Variants in CCDC102B observed in about 807,000 individuals in gnomAD.
CCDC102B encodes the protein coiled-coil domain-containing protein 102B.
CCDC102B carries 75 observed loss-of-function variants against 57.4 expected under a neutral mutation model. The ratio of observed to expected loss-of-function variants is 1.31; its 90% CI spans 1.08 to 1.58. CCDC102B has a LOEUF of 1.58. CCDC102B is among the 40% of genes most tolerant of loss of function. The pLI is 0.00. For synonymous variants in CCDC102B, 206 were observed against 201.9 expected, an observed-to-expected ratio of 1.02 and a Z score of -0.17; for missense variants, 636 against 582.6, an observed-to-expected ratio of 1.09 and a Z score of -0.94.
rs181088195 is a variant in CCDC102B, at chr18:68,715,330, T to G, written c.-165T>G. The G allele has an allele frequency of 6.6e-4, 653 of 985,064 alleles. 5 individuals are homozygous for G. The African/African-American group carries it at 0.011, about 16-fold the overall frequency. 61.0% of individuals were successfully genotyped at this position (985,064 alleles called of 1,614,324 possible). ...TCACTGGGGCGCGTTTCCGGGAAGG[T>G]GAATACCGGTGAAAGTTATGCTGAG... On this transcript the variant is annotated 5_prime_UTR_variant, in exon 1 of 4. Transcript: ENST00000578970.
At chr18:69,012,874 G>T (rs1387949894) in intron 7 of CCDC102B, among the ~76,000 whole-genome samples, 1 of 152,038 alleles carries the variant, frequency 6.6e-6, no homozygotes, top group Admixed American at 6.6e-5. Flanking sequence ...GACTGGTATG[G>T]TCATTAAAAT....
intron 6 of CCDC102B, chr18:68,902,211 A>T (rs1439708743): frequency 6.6e-6 from 1 of 152,164 alleles, no homozygotes; most frequent in South Asian, 2.1e-4. Context: ...GAATTACTTC[A>T]TGCTTTCTTC....
At chr18:69,049,577 T>G (rs372174578) in intron 7 of CCDC102B, among the ~76,000 whole-genome samples, 41 of 151,972 alleles carry the variant, frequency 2.7e-4, no homozygotes, top group African/African-American at 9.4e-4. Context: ...GGGAGGAGAA[T>G]AAAATCACAC....
At chr18:68,899,259 A>G (rs1315529583) in intron 6 of CCDC102B, among the ~76,000 whole-genome samples, 1 of 152,098 alleles carries the variant, frequency 6.6e-6, no homozygotes, top group East Asian at 1.9e-4. Context: ...TGTCAAGATT[A>G]TGATGTCCTC....
At chr18:68,804,671 G>T (rs2035970568) in intron 1 of CCDC102B, among the ~76,000 whole-genome samples, 1 of 152,014 alleles carries the variant, frequency 6.6e-6, no homozygotes, top group Admixed American at 6.6e-5. Context: ...AGTAAAACAG[G>T]AATTTCAGGC....
rs576686004 is a variant in CCDC102B, at chr18:68,911,993, A to G, written c.1263+14565A>G. Among the ~76,000 whole-genome samples, 12 of 152,220 alleles carry G rather than the reference A, an allele frequency of 7.9e-5. No individual in the cohort carries two copies. In the South Asian group the frequency reaches 2.3e-3, roughly 29 times the overall value. On this transcript the variant is annotated intron_variant, in intron 6 of 7. Transcript: ENST00000360242. ...CCATTTTGGTTTTGTAAAAGCTGTT[A>G]CTGAACTCAAGAAAATATTTTGTAA... is the stretch of plus-strand genomic sequence containing the variant.
chr18:68,788,004 G>A (rs954694930), intron 2 of CCDC102B, among the ~76,000 whole-genome samples: 36 of 150,692 alleles, frequency 2.4e-4, no homozygotes, highest in Non-Finnish European at 4.0e-4. Context: ...CTTTGAATGC[G>A]TCCCAGAGAT....
intron 6 of CCDC102B, among the ~76,000 whole-genome samples, chr18:68,966,824 T>G (rs1333811778): frequency 2.6e-5 from 4 of 152,124 alleles, no homozygotes; most frequent in Non-Finnish European, 5.9e-5. Context: ...TAGCATGGAT[T>G]CCTGCCCCTC....
chr18:68,983,520 G>C (rs1302236070), intron 6 of CCDC102B, among the ~76,000 whole-genome samples: 1 of 151,838 alleles, frequency 6.6e-6, no homozygotes, highest in African/African-American at 2.4e-5. Context: ...TATTTTACTA[G>C]CCAGTGATAA....
intron 1 of CCDC102B, among the ~76,000 whole-genome samples, chr18:68,822,448 A>T (rs2036729294): frequency 6.6e-6 from 1 of 152,106 alleles, no homozygotes; most frequent in African/African-American, 2.4e-5. Flanking sequence ...AATGTTTAAC[A>T]TGTCAATTTG....
chr18:68,781,774 A>G (rs1047901460), intron 2 of CCDC102B, among the ~76,000 whole-genome samples: 2 of 152,180 alleles, frequency 1.3e-5, no homozygotes, highest in Non-Finnish European at 2.9e-5. Flanking sequence ...AATAGAAGAC[A>G]GAAAGATTGG....
intron 4 of CCDC102B, among the ~76,000 whole-genome samples, chr18:68,848,299 T>C (rs1425887455): frequency 6.6e-6 from 1 of 151,984 alleles, no homozygotes; most frequent in African/African-American, 2.4e-5. Context: ...TCAACAATTC[T>C]GATAATGACC....
chr18:68,976,650 T>C (rs1427886663), intron 6 of CCDC102B, among the ~76,000 whole-genome samples: 1 of 152,034 alleles, frequency 6.6e-6, no homozygotes, highest in Non-Finnish European at 1.5e-5. Context: ...ATACATCCTA[T>C]GACCTTTTAA....
intron 6 of CCDC102B, among the ~76,000 whole-genome samples, chr18:68,937,325 T>C (rs1252378926): frequency 6.6e-6 from 1 of 152,016 alleles, no homozygotes; most frequent in African/African-American, 2.4e-5. Flanking sequence ...CTCAAAAAGA[T>C]ACTTGTTCAC....
chr18:68,786,627 TTGTC>T (rs1289425302), intron 2 of CCDC102B, among the ~76,000 whole-genome samples: 2 of 139,650 alleles, frequency 1.4e-5, no homozygotes, highest in East Asian at 4.1e-4. Flanking sequence ...GGCTCTCTGT[TTGTC>T]TGTTATTGGT....
intron 6 of CCDC102B, among the ~76,000 whole-genome samples, chr18:68,999,051 A>G (rs1420338663): frequency 6.6e-6 from 1 of 150,630 alleles, no homozygotes; most frequent in East Asian, 2.0e-4. Flanking sequence ...TTATCATAAA[A>G]TAATGAACAT....
Position 68,765,485 on chromosome 18 carries a change from GAAGA to G in CCDC102B, c.-67+48901_-67+48904del, listed in dbSNP as rs546908983. 4.1e-4 allele frequency among the ~76,000 whole-genome samples: 62 copies of G among 149,898 alleles called. No homozygotes were observed. In the South Asian group the frequency reaches 8.3e-3, roughly 20 times the overall value. ...AGAGAGAGAAAGGAAGGAAGGAGAG[GAAGA>G]AAGAAAGAAGAAAGCAAGAAAGAAA... On this transcript the variant is annotated intron_variant, in intron 2 of 3. Coordinates refer to the CCDC102B transcript ENST00000578970.
intron 2 of CCDC102B, among the ~76,000 whole-genome samples, chr18:68,837,645 T>C (rs1046669346): frequency 2.0e-5 from 3 of 152,170 alleles, no homozygotes; most frequent in African/African-American, 7.2e-5. Context: ...CTTCACATGG[T>C]CTTTTCTCTG....
chr18:68,860,808 A>T lies in CCDC102B; in HGVS notation c.937-13861A>T, dbSNP rs1421486690. Among the ~76,000 whole-genome samples the T allele has an allele frequency of 5.1e-5, 7 of 137,282 alleles. No individual in the cohort carries two copies. In the Admixed American group the frequency reaches 5.4e-4, roughly 10 times the overall value. The allele number at this position is 137,282 out of a possible 152,430, so 90.1% of individuals were successfully genotyped here. Reference sequence around the variant, plus strand: ...TTATAGCACACTATATACTTTATTGATTATGCTTTATTATCTTGCCCTTTC... The same window carrying T: ...TTATAGCACACTATATACTTTATTGTTTATGCTTTATTATCTTGCCCTTTC... On this transcript the variant is annotated intron_variant, in intron 4 of 7. Coordinates refer to ENST00000360242, the MANE Select transcript of CCDC102B (RefSeq NM_024781.3).
Sources: allele counts gnomAD v4.1 joint callset (sites outside exome capture counted in the v4.1 genomes callset), GRCh38; gene constraint gnomAD v4.1.1; transcripts MANE v1.5; gene names NCBI Gene and HGNC (gene_info 2026-07-23, HGNC 2026-07-21).